The following SLC41A2 variants were observed in gnomAD, a reference collection of about 807,000 sequenced individuals.
The protein encoded by SLC41A2 is SLC41A1-like 1.
SLC41A2 carries 32 observed loss-of-function variants against 58.3 expected under a neutral mutation model. That is an observed-to-expected ratio of 0.55 (90% CI 0.41 to 0.74). The LOEUF (loss-of-function observed/expected upper bound fraction) is 0.74, where lower values mean the gene tolerates loss of function less well. Ranked by LOEUF, SLC41A2 falls within the 30% of genes least tolerant of loss-of-function variation. SLC41A2 has a pLI of 0.00. For missense variants in SLC41A2, 514 were observed against 680.6 expected (o/e 0.76, Z 2.72); for synonymous variants, 190 against 235.0 (o/e 0.81, Z 1.75).
chr12:104,840,122 G>C (rs1350859345), intron 10 of SLC41A2, among the ~76,000 whole-genome samples: 2 of 152,178 alleles, frequency 1.3e-5, no homozygotes, highest in Non-Finnish European at 2.9e-5. Context: ...AAACCCTGAA[G>C]ATGACAGTAA....
At chr12:104,892,703 T>C (rs1409812966) in intron 4 of SLC41A2, among the ~76,000 whole-genome samples, 1 of 152,128 alleles carries the variant, frequency 6.6e-6, no homozygotes, top group African/African-American at 2.4e-5. Flanking sequence ...CAAATCCATA[T>C]ATCTACAGTG....
At chr12:104,869,478 GTT>G in intron 6 of SLC41A2, among the ~76,000 whole-genome samples, 1 of 151,888 alleles carries the variant, frequency 6.6e-6, no homozygotes, top group Middle Eastern at 3.4e-3. Context: ...GTATGCAGGG[GTT>G]TTTTTTGTAC....
chr12:104,867,754 A>AT (rs1226196262), intron 6 of SLC41A2, among the ~76,000 whole-genome samples: 1 of 148,066 alleles, frequency 6.8e-6, no homozygotes, highest in Non-Finnish European at 1.5e-5. Context: ...ACAGCCTTAG[A>AT]TTACTTAATC....
intron 1 of SLC41A2, among the ~76,000 whole-genome samples, chr12:104,932,444 G>A (rs910555768): frequency 6.6e-6 from 1 of 151,836 alleles, no homozygotes; most frequent in Non-Finnish European, 1.5e-5. Flanking sequence ...GGGCAACATG[G>A]CGAAACCTTG....
chr12:104,909,276 T>C (rs1322984297), intron 3 of SLC41A2, among the ~76,000 whole-genome samples: 2 of 152,234 alleles, frequency 1.3e-5, no homozygotes, highest in Non-Finnish European at 2.9e-5. Context: ...TTTTCTTTTT[T>C]ATATTGTTCC....
chr12:104,901,782 A>T (rs1225050557), intron 3 of SLC41A2, among the ~76,000 whole-genome samples: 2 of 152,236 alleles, frequency 1.3e-5, no homozygotes, highest in Non-Finnish European at 2.9e-5. Flanking sequence ...ATTTTATTGA[A>T]ATATCTTTTT....
intron 8 of SLC41A2, among the ~76,000 whole-genome samples, chr12:104,860,565 G>A (rs182661407): frequency 9.5e-4 from 144 of 152,076 alleles, no homozygotes; most frequent in African/African-American, 3.1e-3. Flanking sequence ...AAAGGGATCA[G>A]CTGAGGACCA....
chr12:104,895,000 TCA>T (rs2045210649), intron 4 of SLC41A2, among the ~76,000 whole-genome samples: 1 of 152,220 alleles, frequency 6.6e-6, no homozygotes, highest in African/African-American at 2.4e-5. Flanking sequence ...TCTGGCTCTA[TCA>T]CACACTTATG....
chr12:104,831,778 A>G (rs2468107), intron 10 of SLC41A2, among the ~76,000 whole-genome samples: 74,396 of 152,032 alleles, frequency 0.49, 19,035 homozygotes, highest in Middle Eastern at 0.57. Context: ...TATATCTAAC[A>G]TAGAAAACAG....
At chr12:104,879,554 T>A (rs1426944665) in intron 6 of SLC41A2, among the ~76,000 whole-genome samples, 2 of 152,244 alleles carry the variant, frequency 1.3e-5, no homozygotes, top group Non-Finnish European at 2.9e-5. Context: ...GAATAGGGAA[T>A]CCTTCTCCCA....
At chr12:104,957,532 T>C (rs1051113879) in intron 1 of SLC41A2, among the ~76,000 whole-genome samples, 14 of 152,238 alleles carry the variant, frequency 9.2e-5, no homozygotes, top group African/African-American at 3.4e-4. Context: ...AATTTAAAAA[T>C]TGTCACTACA....
intron 1 of SLC41A2, among the ~76,000 whole-genome samples, chr12:104,946,429 T>C (rs990051296): frequency 7.9e-5 from 12 of 151,798 alleles, no homozygotes; most frequent in Admixed American, 6.6e-5. Context: ...CATGCCACCA[T>C]ACCAAACTAA....
At chr12:104,936,836 T>C (rs879710523) in intron 1 of SLC41A2, among the ~76,000 whole-genome samples, 13 of 152,214 alleles carry the variant, frequency 8.5e-5, no homozygotes, top group Admixed American at 8.5e-4. Context: ...GAAAAAAGTA[T>C]ATAGAATAAG....
intron 3 of SLC41A2, among the ~76,000 whole-genome samples, chr12:104,897,797 T>C (rs937653032): frequency 3.0e-4 from 46 of 152,178 alleles, no homozygotes. Context: ...GGCATGTGGA[T>C]AGAGGTATGG....
In SLC41A2 at chr12:104,802,849, A is replaced by T. The variant is rs1214551304; in HGVS notation, c.*2303T>A. The T allele has an allele frequency of 6.6e-6, 1 of 152,148 alleles. No individual in the cohort carries two copies. Among genetic ancestry groups the T allele is most frequent in the Non-Finnish European group, 1.5e-5 (1 of 68,014 alleles). 9.4% of individuals were successfully genotyped at this position (152,148 alleles called of 1,614,324 possible). On this transcript the variant is annotated 3_prime_UTR_variant, in exon 11 of 11. Transcript: ENST00000258538. The stretch of plus-strand genomic sequence containing the variant: ...CTTCCTCTCAGTGAATTAGTTAGGT[A>T]GTTTTGGTACATTTGGAGGGTCATA...
intron 10 of SLC41A2, among the ~76,000 whole-genome samples, chr12:104,832,161 C>A (rs1345629210): frequency 6.6e-6 from 1 of 152,174 alleles, no homozygotes; most frequent in Non-Finnish European, 1.5e-5. Context: ...ATTCTCAGAA[C>A]AAAGAGTTGA....
chr12:104,807,205 C>G (rs935519747), intron 10 of SLC41A2, among the ~76,000 whole-genome samples: 5 of 152,190 alleles, frequency 3.3e-5, no homozygotes, highest in Non-Finnish European at 7.3e-5. Context: ...TTAGGTCTAA[C>G]ATTTAAGTCT....
chr12:104,942,131 C>A (rs180918385), intron 1 of SLC41A2, among the ~76,000 whole-genome samples: 1 of 152,188 alleles, frequency 6.6e-6, no homozygotes, highest in Non-Finnish European at 1.5e-5. Flanking sequence ...TTAAACATTT[C>A]TTACATGTAT....
At chr12:104,925,113 C>G (rs1437255626) in intron 2 of SLC41A2, among the ~76,000 whole-genome samples, 1 of 152,124 alleles carries the variant, frequency 6.6e-6, no homozygotes, top group Non-Finnish European at 1.5e-5. Context: ...AGAAGCAGTA[C>G]TGGCAAAATT....
Sources: gnomAD v4.1 joint callset for allele counts (sites outside exome capture counted in the v4.1 genomes callset) on GRCh38, gnomAD v4.1.1 for gene constraint, MANE v1.5 for transcripts, NCBI Gene and HGNC (gene_info 2026-07-23, HGNC 2026-07-21) for gene names.